Variants in PAX7 observed in about 807,000 individuals in gnomAD.
PAX7 encodes the protein paired box protein Pax-7.
PAX7 carries 18 observed loss-of-function variants against 50.7 expected under a neutral mutation model. That is an observed-to-expected ratio of 0.36 (90% confidence interval 0.25 to 0.53). PAX7 has a LOEUF of 0.53. PAX7 is among the 20% of genes least tolerant of loss of function. The probability of loss-of-function intolerance (pLI) is 0.93; values close to 1 mark genes in which losing one functional copy is unlikely to be tolerated. For synonymous variants in PAX7, 310 were observed against 290.4 expected, an observed-to-expected ratio of 1.07 and a Z score of -0.69; for missense variants, 644 against 702.9, an observed-to-expected ratio of 0.92 and a Z score of 0.95.
intron 4 of PAX7, among the ~76,000 whole-genome samples, chr1:18,677,997 G>T (rs1570159240): frequency 6.6e-6 from 1 of 151,228 alleles, no homozygotes; most frequent in East Asian, 1.9e-4. Flanking sequence ...CAGGAGAAAT[G>T]CTTCAACCCA....
chr1:18,708,695 G>A (rs913928195), intron 7 of PAX7, among the ~76,000 whole-genome samples: 18 of 152,120 alleles, frequency 1.2e-4, no homozygotes, highest in Admixed American at 9.8e-4. Context: ...AGCAGGCCAG[G>A]CTCTTAGGAG....
chr1:18,691,666 G>C, intron 4 of PAX7, 88 bp from the exon 5 acceptor site: 1 of 1,177,238 alleles, frequency 8.5e-7, no homozygotes, highest in Non-Finnish European at 1.2e-6. Flanking sequence ...AGGTGGGCAC[G>C]AGTGTGCCTT....
chr1:18,727,371 TACACACACACAC>T (rs56258552), intron 7 of PAX7, among the ~76,000 whole-genome samples: 22 of 133,984 alleles, frequency 1.6e-4, no homozygotes, highest in African/African-American at 4.8e-4. Context: ...CTCTCTCTCA[TACACACACACAC>T]ACACACACAC....
intron 7 of PAX7, among the ~76,000 whole-genome samples, chr1:18,719,742 CT>C (rs2089472067): frequency 6.6e-6 from 1 of 152,174 alleles, no homozygotes; most frequent in Non-Finnish European, 1.5e-5. Flanking sequence ...TGGACTGTGG[CT>C]CCAACCCCAA....
chr1:18,709,243 C>A (rs1254124178), intron 7 of PAX7, among the ~76,000 whole-genome samples: 1 of 152,160 alleles, frequency 6.6e-6, no homozygotes, highest in African/African-American at 2.4e-5. Flanking sequence ...GTCTGGAGGG[C>A]TCCTGCCACG....
intron 5 of PAX7, among the ~76,000 whole-genome samples, chr1:18,697,542 A>G (rs572344724): frequency 2.2e-3 from 330 of 152,318 alleles, no homozygotes; most frequent in African/African-American, 7.7e-3. Context: ...TGGGATAACA[A>G]AAATTTTCCC....
At chr1:18,692,776 G>C (rs964739627) in intron 5 of PAX7, among the ~76,000 whole-genome samples, 1 of 152,208 alleles carries the variant, frequency 6.6e-6, no homozygotes, top group Admixed American at 6.5e-5. Context: ...GGGCAGGGTG[G>C]GCAGCCCCCA....
chr1:18,686,456 C>T (rs2100282629), intron 4 of PAX7, among the ~76,000 whole-genome samples: 1 of 152,302 alleles, frequency 6.6e-6, no homozygotes, highest in Middle Eastern at 3.4e-3. Flanking sequence ...ACTGCGTACC[C>T]CGAATCTGGC....
At chr1:18,655,871 A>T (rs1210197415) in intron 4 of PAX7, among the ~76,000 whole-genome samples, 1 of 151,516 alleles carries the variant, frequency 6.6e-6, no homozygotes, top group Non-Finnish European at 1.5e-5. Context: ...TAGGCTTTGC[A>T]GGGGCAGAAG....
intron 8 of PAX7, among the ~76,000 whole-genome samples, chr1:18,743,956 C>A (rs1233135610): frequency 6.6e-6 from 1 of 152,192 alleles, no homozygotes; most frequent in Non-Finnish European, 1.5e-5. Flanking sequence ...CAAGGAGATT[C>A]TTGTTTCAGT....
chr1:18,657,143 C>A (rs989914735), intron 4 of PAX7, among the ~76,000 whole-genome samples: 2 of 152,036 alleles, frequency 1.3e-5, no homozygotes, highest in Admixed American at 6.6e-5. Context: ...CCCACCTTAC[C>A]AGGCAGCGCA....
chr1:18,667,814 G>T (rs1195501056), intron 4 of PAX7, among the ~76,000 whole-genome samples: 1 of 152,090 alleles, frequency 6.6e-6, no homozygotes, highest in African/African-American at 2.4e-5. Context: ...AGCACTGGGG[G>T]TTGATGAAGG....
chr1:18,642,575 G>A (rs2088272500), intron 4 of PAX7, among the ~76,000 whole-genome samples: 1 of 152,204 alleles, frequency 6.6e-6, no homozygotes, highest in Admixed American at 6.5e-5. Context: ...ATGAGGGTTA[G>A]AGGCGCTGGG....
At chr1:18,741,732 T>C (rs2100417143) in intron 8 of PAX7, among the ~76,000 whole-genome samples, 1 of 152,388 alleles carries the variant, frequency 6.6e-6, no homozygotes, top group South Asian at 2.1e-4. Flanking sequence ...AAGTGTCACC[T>C]GCTTTAGCGG....
intron 4 of PAX7, among the ~76,000 whole-genome samples, chr1:18,658,611 G>T (rs2088557441): frequency 6.6e-6 from 1 of 152,252 alleles, no homozygotes; most frequent in Non-Finnish European, 1.5e-5. Flanking sequence ...CTGATTTTCA[G>T]CTGCTGCATG....
In PAX7 at chr1:18,677,817, CT is replaced by C. The variant is rs35754704; in HGVS notation, c.587-13936del. Reference sequence around the variant, plus strand: ...AAAGCATTCTAGCCAGGCGCAGTGGCTCACGGCTGTAATCTCAGCACTTTGG... The same window carrying C: ...AAAGCATTCTAGCCAGGCGCAGTGGCCACGGCTGTAATCTCAGCACTTTGG... On this transcript the variant is annotated intron_variant, in intron 4 of 8. Coordinates refer to ENST00000420770, the MANE Select transcript of PAX7 (RefSeq NM_001135254.2). 2.2e-3 allele frequency among the ~76,000 whole-genome samples: 330 copies of C among 152,302 alleles called. 3 individuals are homozygous for C. The South Asian group carries it at 0.03, about 14-fold the overall frequency.
chr1:18,703,556 C>T (rs985795884), intron 7 of PAX7, among the ~76,000 whole-genome samples: 1 of 152,184 alleles, frequency 6.6e-6, no homozygotes, highest in Non-Finnish European at 1.5e-5. Context: ...GGTAACTCTA[C>T]CCTGATTGGT....
chr1:18,631,699 C>T lies in PAX7; in HGVS notation c.85+11C>T. 2.5e-6 allele frequency: 4 copies of T among 1,606,864 alleles called. No individual in the cohort carries two copies. The highest frequency in any genetic ancestry group is 3.4e-6 in the Non-Finnish European group (4 of 1,176,572). Reference sequence around the variant, plus strand: ...GATTCCCTTTGGAAGGTAAGAACGCCCAGGCTGGCCTCGCCGCGACTCCGC... The same window carrying T: ...GATTCCCTTTGGAAGGTAAGAACGCTCAGGCTGGCCTCGCCGCGACTCCGC... On this transcript the variant is annotated intron_variant, in intron 1 of 8. Transcript: ENST00000420770.
At chr1:18,681,761 T>A (rs1043156900) in intron 4 of PAX7, among the ~76,000 whole-genome samples, 1 of 150,408 alleles carries the variant, frequency 6.6e-6, no homozygotes, top group Non-Finnish European at 1.5e-5. Context: ...TTTTTATTTT[T>A]ATTTTTTGAT....
Sources: gnomAD v4.1 joint callset for allele counts (sites outside exome capture counted in the v4.1 genomes callset) on GRCh38, gnomAD v4.1.1 for gene constraint, MANE v1.5 for transcripts, NCBI Gene and HGNC (gene_info 2026-07-23, HGNC 2026-07-21) for gene names.